ARIH2: variants seen among roughly 807,000 people sequenced by gnomAD.
ARIH2 encodes the protein E3 ubiquitin-protein ligase ARIH2.
ARIH2 carries 12 observed loss-of-function variants against 79.8 expected under a neutral mutation model. The observed-to-expected ratio is 0.15, with a 90% CI of 0.10 to 0.24. The LOEUF (loss-of-function observed/expected upper bound fraction) is 0.24. Ranked by LOEUF, ARIH2 falls within the 10% of genes least tolerant of loss-of-function variation. ARIH2 has a pLI of 1.00. For synonymous variants in ARIH2, 224 were observed against 213.9 expected, an observed-to-expected ratio of 1.05 and a Z score of -0.41; for missense variants, 301 against 618.3, an observed-to-expected ratio of 0.49 and a Z score of 5.44.
Position 48,979,682 on chromosome 3 carries a change from T to G in ARIH2, c.1113+49T>G. The stretch of plus-strand genomic sequence containing the variant: ...CCCCTACAGGGTAGGCTTCTTCCAC[T>G]TGGCCTGCTGGTGGGATTCCCAGGG... On this transcript the variant is annotated intron_variant, in intron 12 of 15. Coordinates refer to ENST00000356401, the MANE Select transcript of ARIH2 (RefSeq NM_006321.4). The G allele has an allele frequency of 1.9e-6, 3 of 1,599,806 alleles. 1 individual carries two copies. The South Asian group carries it at 3.4e-5, about 18-fold the overall frequency.
intron 7 of ARIH2, 111 bp from the exon 8 acceptor site, chr3:48,970,484 C>T (rs1395801483): frequency 3.1e-5 from 22 of 719,780 alleles, no homozygotes; most frequent in African/African-American, 5.3e-5. Flanking sequence ...ATAGCCCCTT[C>T]GTATAAGTCA....
chr3:48,978,324 C>T (rs758370748), intron 11 of ARIH2, among the ~76,000 whole-genome samples: 43 of 148,080 alleles, frequency 2.9e-4, no homozygotes, highest in Middle Eastern at 3.5e-3. Flanking sequence ...GGTGTAATCT[C>T]GGCTCACAAC....
At chr3:48,923,120 T>G (rs890597423) in intron 2 of ARIH2, among the ~76,000 whole-genome samples, 2 of 150,594 alleles carry the variant, frequency 1.3e-5, no homozygotes, top group Non-Finnish European at 3.0e-5. Flanking sequence ...GGCAGGAGAA[T>G]GGCGTGAACC....
rs1397735876 is a variant in ARIH2, at chr3:48,978,476, TATATATA to T, written c.962-1005_962-999del. On this transcript the variant is annotated intron_variant, in intron 11 of 15. Coordinates refer to ENST00000356401, the MANE Select transcript of ARIH2 (RefSeq NM_006321.4). Reference sequence around the variant, plus strand: ...GTGTGTGTGTGTGTGTATATATATATATATATATTTTTTTTTTTTTTGGTAGAGACGG... The same window carrying T: ...GTGTGTGTGTGTGTGTATATATATATTTTTTTTTTTTTTTGGTAGAGACGG... Among the ~76,000 whole-genome samples the T allele has an allele frequency of 2.4e-4, 17 of 70,072 alleles. No homozygotes were observed. The South Asian group carries it at 4.0e-3, about 16-fold the overall frequency. The allele number at this position is 70,072 out of a possible 152,430, so 46.0% of individuals were successfully genotyped here.
chr3:48,926,206 T>A (rs941310602), intron 2 of ARIH2, among the ~76,000 whole-genome samples: 1 of 152,134 alleles, frequency 6.6e-6, no homozygotes, highest in African/African-American at 2.4e-5. Flanking sequence ...CATTTCGCTG[T>A]TTGCGGGCTT....
chr3:48,919,362 G>T (rs1435164878), intron 1 of ARIH2: 7 of 523,682 alleles, frequency 1.3e-5, no homozygotes, highest in African/African-American at 2.0e-5. Flanking sequence ...CGCTGCCCGC[G>T]CGGTTTAACG....
intron 3 of ARIH2, among the ~76,000 whole-genome samples, chr3:48,951,804 C>T (rs905267989): frequency 3.3e-5 from 5 of 151,948 alleles, no homozygotes; most frequent in African/African-American, 1.2e-4. Context: ...AATTTGTTTT[C>T]TCTTTTTTCC....
intron 4 of ARIH2, among the ~76,000 whole-genome samples, chr3:48,964,706 G>C (rs939182670): frequency 3.3e-5 from 5 of 152,106 alleles, no homozygotes; most frequent in Non-Finnish European, 7.4e-5. Flanking sequence ...AATGTAGCAT[G>C]ATTTATTGGG....
chr3:48,981,941 A>C (rs2092765769), intron 14 of ARIH2, among the ~76,000 whole-genome samples: 1 of 152,196 alleles, frequency 6.6e-6, no homozygotes, highest in African/African-American at 2.4e-5. Context: ...CATGCACCTA[A>C]TCCTCTGAAC....
In ARIH2 at chr3:48,927,759, G is replaced by A; in HGVS notation, c.201G>A (p.Lys67=). Residue 67 remains lysine (K), a synonymous_variant, in exon 3 of 16, where the codon AAG becomes AAA. Coordinates refer to ENST00000356401, the MANE Select transcript of ARIH2 (RefSeq NM_006321.4). Reference sequence around the variant, plus strand: ...ACCAGTTCACTTGCTTGACCTACAAGGAATCTGAGGGTGCCCTCAATGAGC... The same window carrying A: ...ACCAGTTCACTTGCTTGACCTACAAAGAATCTGAGGGTGCCCTCAATGAGC... The part of the protein sequence containing the change: ...EEYQFTCLTY[K]ESEGALNEHM... The A allele has an allele frequency of 6.2e-7, 1 of 1,614,182 alleles. No homozygotes were observed. Among genetic ancestry groups the A allele is most frequent in the East Asian group, 2.2e-5 (1 of 44,890 alleles).
intron 3 of ARIH2, chr3:48,934,823 C>G (rs779571004): frequency 1.0e-6 from 1 of 985,284 alleles, no homozygotes; most frequent in South Asian, 4.7e-5. Flanking sequence ...CCATACAAAA[C>G]ATGCTCATCA....
At chr3:48,954,174 G>A (rs1409752237) in intron 3 of ARIH2, among the ~76,000 whole-genome samples, 2 of 151,674 alleles carry the variant, frequency 1.3e-5, no homozygotes, top group Non-Finnish European at 2.9e-5. Flanking sequence ...AAAAAGAAAA[G>A]GCCGGGCTTG....
chr3:48,985,344 T>G lies in ARIH2; in HGVS notation c.*2074T>G, dbSNP rs2092878044. On this transcript the variant is annotated 3_prime_UTR_variant, in exon 16 of 16. Transcript: ENST00000356401. ...TGTGCCCTCAGTGGCTGTCGTTTGTTAACATCATCAGGAAGATGGGAAAGG... is the reference window on the plus strand; with the variant it reads ...TGTGCCCTCAGTGGCTGTCGTTTGTGAACATCATCAGGAAGATGGGAAAGG... 6.6e-6 allele frequency: 1 copy of G among 152,174 alleles called. No homozygotes were observed. Among genetic ancestry groups the G allele is most frequent in the Non-Finnish European group, 1.5e-5 (1 of 68,032 alleles). 9.4% of individuals were successfully genotyped at this position (152,174 alleles called of 1,614,324 possible). A position where few individuals can be genotyped will look rare whatever the true frequency, so the allele number is the denominator to read the frequency against.
intron 11 of ARIH2, among the ~76,000 whole-genome samples, chr3:48,978,483 A>ATTTT (rs58279033): frequency 9.9e-5 from 4 of 40,462 alleles, no homozygotes; most frequent in African/African-American, 2.3e-4. Context: ...ATATATATAT[A>ATTTT]TTTTTTTTTT....
chr3:48,919,458 C>T (rs1256388821), intron 1 of ARIH2: 3 of 260,882 alleles, frequency 1.1e-5, no homozygotes, highest in South Asian at 1.7e-4. Flanking sequence ...GGATGTGCGG[C>T]CCCGGAGCTG....
At chr3:48,940,193 G>T (rs1387675665) in intron 3 of ARIH2, among the ~76,000 whole-genome samples, 2 of 151,876 alleles carry the variant, frequency 1.3e-5, no homozygotes, top group Non-Finnish European at 2.9e-5. Flanking sequence ...GCAACAGAGC[G>T]AGACTCCGTC....
chr3:48,945,550 A>G (rs1198799163), intron 3 of ARIH2, among the ~76,000 whole-genome samples: 3 of 152,150 alleles, frequency 2.0e-5, no homozygotes, highest in Admixed American at 6.5e-5. Flanking sequence ...GTTGTGTGCT[A>G]GAAAGGGTCC....
At chr3:48,981,605 A>T in intron 13 of ARIH2, 55 bp from the exon 14 acceptor site, 1 of 1,441,530 alleles carries the variant, frequency 6.9e-7, no homozygotes, top group South Asian at 1.2e-5. Flanking sequence ...GCCACCTGAG[A>T]TGCAGGTAGC....
At position 48,983,377 on chromosome 3, in the gene ARIH2, G is replaced by A; in HGVS notation, c.*107G>A. 1 of 1,060,486 alleles carries A rather than the reference G, an allele frequency of 9.4e-7. No individual in the cohort carries two copies. Among genetic ancestry groups the A allele is most frequent in the South Asian group, 1.3e-5 (1 of 77,944 alleles). The allele number at this position is 1,060,486 out of a possible 1,614,324, so 65.7% of individuals were successfully genotyped here. A position where few individuals can be genotyped will look rare whatever the true frequency, so the allele number is the denominator to read the frequency against. On this transcript the variant is annotated 3_prime_UTR_variant, in exon 16 of 16. Coordinates refer to ENST00000356401, the MANE Select transcript of ARIH2 (RefSeq NM_006321.4). ...CTTTCATGACCCCAGGCAACAGCCA[G>A]GGCCCCACTCCTGAGAGACACTGGC...
Sources: gnomAD v4.1 joint callset for allele counts (sites outside exome capture counted in the v4.1 genomes callset) on GRCh38, gnomAD v4.1.1 for gene constraint, MANE v1.5 for transcripts, NCBI Gene and HGNC (gene_info 2026-07-23, HGNC 2026-07-21) for gene names.